IQGAP1: variants seen among roughly 807,000 people sequenced by gnomAD.
IQGAP1 encodes IQ motif containing GTPase activating protein 1, also known as ras GTPase-activating-like protein IQGAP1.
Under a neutral mutation model 215.6 loss-of-function variants are expected in IQGAP1, and 66 were observed. The observed-to-expected ratio is 0.31, with a 90% CI of 0.25 to 0.38. The LOEUF (loss-of-function observed/expected upper bound fraction) is 0.38. Among genes scored for constraint, IQGAP1 ranks in the 10% least tolerant of loss-of-function variants. The probability of loss-of-function intolerance (pLI) is 1.00; values close to 1 mark genes in which losing one functional copy is unlikely to be tolerated. For missense variants in IQGAP1, 1,712 were observed against 1,997.1 expected (o/e 0.86, Z 2.72); for synonymous variants, 772 against 728.7 (o/e 1.06, Z -0.96).
At chr15:90,419,195 C>G (rs964923464) in intron 2 of IQGAP1, among the ~76,000 whole-genome samples, 4 of 150,458 alleles carry the variant, frequency 2.7e-5, no homozygotes, top group African/African-American at 4.9e-5. Context: ...AACTTGGGTT[C>G]AAGTGAGAGT....
At chr15:90,422,350 T>C (rs1258413611) in intron 2 of IQGAP1, among the ~76,000 whole-genome samples, 1 of 152,112 alleles carries the variant, frequency 6.6e-6, no homozygotes, top group Non-Finnish European at 1.5e-5. Flanking sequence ...TTTTCAATGT[T>C]TATATTTTTA....
In IQGAP1 at chr15:90,476,665, T is replaced by C. The variant is rs1965984928; in HGVS notation, c.2787T>C (p.Asp929=). ...LLVKNKITLQ[D]VVSHSKKLTK... ...TATTTATTGGTTTTTGTTTATAGGA[T>C]GTGGTTTCCCACAGTAAAAAACTTA... The change falls in exon 24 of 38, where the codon GAT becomes GAC. Residue 929 remains aspartate, a splice_region_variant and synonymous_variant. Transcript: ENST00000268182. 1.3e-6 allele frequency: 2 copies of C among 1,574,626 alleles called. No individual in the cohort carries two copies. Among genetic ancestry groups the C allele is most frequent in the African/African-American group, 1.4e-5 (1 of 72,286 alleles).
In IQGAP1 at chr15:90,402,591, A is replaced by G. The variant is rs762907536; in HGVS notation, c.155+11718A>G. ...CTGTGAGGTTTCTGCAGCAGAAGGAAATAGTATTACTCTGATAGGTATTTA... is the reference window on the plus strand; with the variant it reads ...CTGTGAGGTTTCTGCAGCAGAAGGAGATAGTATTACTCTGATAGGTATTTA... On this transcript the variant is annotated intron_variant, in intron 2 of 37. Coordinates refer to ENST00000268182, the MANE Select transcript of IQGAP1 (RefSeq NM_003870.4). 1.2e-3 allele frequency among the ~76,000 whole-genome samples: 176 copies of G among 152,202 alleles called. 6 individuals carry two copies. Among genetic ancestry groups the G allele is most frequent in the Non-Finnish European group, 2.1e-4 (14 of 68,032 alleles).
At chr15:90,393,793 A>G (rs913674375) in intron 2 of IQGAP1, 10 of 152,288 alleles carry the variant, frequency 6.6e-5, no homozygotes, top group Middle Eastern at 3.4e-3. Context: ...ACCACCCAGC[A>G]GGCATGATCC....
chr15:90,485,968 T>C (rs1966120611), intron 30 of IQGAP1, 62 bp from the exon 31 acceptor site: 4 of 1,257,068 alleles, frequency 3.2e-6, no homozygotes, highest in African/African-American at 2.9e-5. Context: ...TGTTAGACAT[T>C]CTAGGGAGGG....
intron 26 of IQGAP1, 136 bp from the exon 27 acceptor site, chr15:90,481,824 C>T (rs1966063523): frequency 1.1e-6 from 1 of 884,984 alleles, no homozygotes; most frequent in Non-Finnish European, 1.7e-6. Context: ...AGACTTATCA[C>T]TTACCAGCCC....
intron 19 of IQGAP1, 38 bp downstream of exon 19, chr15:90,473,048 T>C (rs934812017): frequency 6.3e-7 from 1 of 1,590,970 alleles, no homozygotes; most frequent in Admixed American, 1.7e-5. Context: ...CAAGCGGGCA[T>C]CTAGAGCAGG....
intron 4 of IQGAP1, chr15:90,429,911 A>G: frequency 3.4e-6 from 1 of 296,506 alleles, no homozygotes; most frequent in Non-Finnish European, 6.2e-6. Context: ...ACTACATCAA[A>G]TTGTAGACTT....
At chr15:90,473,122 A>G (rs1965929071) in intron 19 of IQGAP1, 112 bp downstream of exon 19, 1 of 951,114 alleles carries the variant, frequency 1.1e-6, no homozygotes, top group Non-Finnish European at 1.6e-6. Context: ...CTGGACTCTT[A>G]GTCTTCTCTT....
chr15:90,491,480 C>A lies in IQGAP1; in HGVS notation c.4396C>A (p.Leu1466Ile). The change falls in exon 34 of 38, where the codon CTA (leucine) becomes ATA (isoleucine). Residue 1466 changes from leucine (L) to isoleucine (I), a missense_variant. Leu to Ile is a conservative substitution (Grantham distance 5). This residue lies in a region of IQGAP1 where 691 missense variants were observed against 923.0 expected (regional missense o/e 0.75). Coordinates refer to ENST00000268182, the MANE Select transcript of IQGAP1 (RefSeq NM_003870.4). Reference sequence around the variant, plus strand: ...GAAGATCCAGACAGGTTTAAAGAAGCTAACAGAGCTTGGAACCGTGGACCC... The same window carrying A: ...GAAGATCCAGACAGGTTTAAAGAAGATAACAGAGCTTGGAACCGTGGACCC... ...KEKIQTGLKK[L>I]TELGTVDPKN... 1 of 1,614,138 alleles carries A rather than the reference C, an allele frequency of 6.2e-7. No individual in the cohort carries two copies. Among genetic ancestry groups the A allele is most frequent in the Non-Finnish European group, 8.5e-7 (1 of 1,180,014 alleles).
chr15:90,490,848 G>A (rs527777384), intron 33 of IQGAP1, among the ~76,000 whole-genome samples: 48 of 152,246 alleles, frequency 3.2e-4, no homozygotes, highest in African/African-American at 7.9e-4. Flanking sequence ...TCGCTCTGTC[G>A]CCCAGACTGG....
intron 2 of IQGAP1, among the ~76,000 whole-genome samples, chr15:90,422,640 G>GTATATGTA (rs1965159305): frequency 1.6e-5 from 1 of 61,556 alleles, no homozygotes; most frequent in South Asian, 8.6e-4. Context: ...ATATATATAT[G>GTATATGTA]TATATGTATA....
intron 18 of IQGAP1, among the ~76,000 whole-genome samples, chr15:90,468,002 T>A (rs1325214647): frequency 6.6e-6 from 1 of 152,150 alleles, no homozygotes; most frequent in East Asian, 1.9e-4. Context: ...TACTTTTTCA[T>A]CTTCTGTGTC....
intron 33 of IQGAP1, among the ~76,000 whole-genome samples, chr15:90,488,262 A>AAAT (rs1424757693): frequency 6.6e-6 from 1 of 151,502 alleles, no homozygotes; most frequent in Non-Finnish European, 1.5e-5. Context: ...ATAAATAAAT[A>AAAT]AAATGTTGTA....
At chr15:90,485,864 A>G (rs1966119234) in intron 30 of IQGAP1, among the ~76,000 whole-genome samples, 166 bp from the exon 31 acceptor site, 1 of 152,162 alleles carries the variant, frequency 6.6e-6, no homozygotes, top group African/African-American at 2.4e-5. Flanking sequence ...GGTGCCTTAT[A>G]TATCATATTG....
chr15:90,428,946 C>CG (rs1332322014), intron 3 of IQGAP1, among the ~76,000 whole-genome samples: 1 of 152,098 alleles, frequency 6.6e-6, no homozygotes, highest in Non-Finnish European at 1.5e-5. Flanking sequence ...CTCTGCCTCC[C>CG]AGGTTCAACG....
At position 90,474,666 on chromosome 15, in the gene IQGAP1, G is replaced by T. The variant is rs1311057699; in HGVS notation, c.2757G>T (p.Leu919=). 1.2e-6 allele frequency: 2 copies of T among 1,613,894 alleles called. No individual in the cohort carries two copies. Among genetic ancestry groups the T allele is most frequent in the Non-Finnish European group, 1.7e-6 (2 of 1,179,794 alleles). ...DLNLMDIKIG[L]LVKNKITLQD... ...ATCTCATGGATATCAAAATTGGACTGCTAGTGAAAAATAAGATTACGTTGC... is the reference window on the plus strand; with the variant it reads ...ATCTCATGGATATCAAAATTGGACTTCTAGTGAAAAATAAGATTACGTTGC... Residue 919 remains leucine (L), a synonymous_variant, in exon 23 of 38, where the codon CTG becomes CTT. Coordinates refer to ENST00000268182, the MANE Select transcript of IQGAP1 (RefSeq NM_003870.4).
chr15:90,395,472 C>T (rs1964702682), intron 2 of IQGAP1, among the ~76,000 whole-genome samples: 1 of 152,156 alleles, frequency 6.6e-6, no homozygotes, highest in East Asian at 1.9e-4. Flanking sequence ...AGGCGCCCAC[C>T]ACCACGCCTG....
At position 90,476,690 on chromosome 15, in the gene IQGAP1, AC is replaced by A; in HGVS notation, c.2814del (p.Asn941IlefsTer8). ...QDVVSHSKKL[T>X]KKNKEQLSDM... ...TGTGGTTTCCCACAGTAAAAAACTT[AC>A]CAAAAAAAATAAGGAACAGTTGTCT... On this transcript the variant is annotated frameshift_variant, in exon 24 of 38. Transcript: ENST00000268182. LOFTEE classifies it high-confidence loss of function. 1 of 1,588,990 alleles carries A rather than the reference AC, an allele frequency of 6.3e-7. No individual in the cohort carries two copies. The highest frequency in any genetic ancestry group is 8.5e-7 in the Non-Finnish European group (1 of 1,173,558).
Sources: allele counts gnomAD v4.1 joint callset (sites outside exome capture counted in the v4.1 genomes callset), GRCh38; gene constraint gnomAD v4.1.1; regional missense constraint gnomAD v4.1.1; transcripts MANE v1.5; gene names NCBI Gene and HGNC (gene_info 2026-07-23, HGNC 2026-07-21).